The following LIMCH1 variants were observed in gnomAD, a reference collection of about 807,000 sequenced individuals.
LIMCH1 encodes the protein LIM and calponin homology domains 1, also known as LIM and calponin homology domains-containing protein 1.
Under a neutral mutation model 176.5 loss-of-function variants are expected in LIMCH1, and 113 were observed. The observed-to-expected ratio is 0.64, with a 90% confidence interval of 0.55 to 0.75. LIMCH1 has a LOEUF of 0.75. Among genes scored for constraint, LIMCH1 ranks in the 30% least tolerant of loss-of-function variants. The pLI, the probability that LIMCH1 is intolerant of heterozygous loss-of-function variation, is 0.00. For missense variants in LIMCH1, 1,674 were observed against 1,814.9 expected, an observed-to-expected ratio of 0.92 and a Z score of 1.41; for synonymous variants, 619 against 645.9, an observed-to-expected ratio of 0.96 and a Z score of 0.63.
At chr4:41,368,919 G>A (rs929232989) in intron 1 of LIMCH1, among the ~76,000 whole-genome samples, 1 of 152,218 alleles carries the variant, frequency 6.6e-6, no homozygotes, top group African/African-American at 2.4e-5. Flanking sequence ...AATAGAGGCT[G>A]TAGAGGCTGT....
chr4:41,686,936 T>G (rs2153067743), intron 28 of LIMCH1, among the ~76,000 whole-genome samples: 1 of 152,324 alleles, frequency 6.6e-6, no homozygotes, highest in South Asian at 2.1e-4. Context: ...TGTTATTGAT[T>G]ATTGCAGTGA....
intron 14 of LIMCH1, among the ~76,000 whole-genome samples, chr4:41,643,412 A>C (rs966928573): frequency 1.3e-5 from 2 of 152,138 alleles, no homozygotes; most frequent in South Asian, 4.1e-4. Flanking sequence ...AGAGCCCTCT[A>C]TGTCTTGAAT....
intron 1 of LIMCH1, among the ~76,000 whole-genome samples, chr4:41,493,057 T>C (rs2071385934): frequency 6.6e-6 from 1 of 152,160 alleles, no homozygotes; most frequent in African/African-American, 2.4e-5. Flanking sequence ...TATTCTTTTA[T>C]TTAACTTTTT....
intron 30 of LIMCH1, among the ~76,000 whole-genome samples, chr4:41,690,764 C>T (rs1467969583): frequency 6.6e-6 from 1 of 152,128 alleles, no homozygotes; most frequent in African/African-American, 2.4e-5. Context: ...AGACAAAACA[C>T]AGCATAGATA....
chr4:41,481,587 AGGTG>A, intron 1 of LIMCH1, among the ~76,000 whole-genome samples: 1 of 152,184 alleles, frequency 6.6e-6, no homozygotes, highest in Non-Finnish European at 1.5e-5. Flanking sequence ...GAGATCCCTC[AGGTG>A]GCAACTGCAG....
At chr4:41,485,058 A>T (rs553923063) in intron 1 of LIMCH1, among the ~76,000 whole-genome samples, 8 of 152,356 alleles carry the variant, frequency 5.3e-5, no homozygotes, top group Admixed American at 3.3e-4. Context: ...ACTCATATAC[A>T]GTGTTTTATA....
At chr4:41,414,727 C>T (rs890315693) in intron 1 of LIMCH1, among the ~76,000 whole-genome samples, 16 of 152,224 alleles carry the variant, frequency 1.1e-4, no homozygotes, top group African/African-American at 1.9e-4. Flanking sequence ...TTAGATGTCA[C>T]CCATGATGAT....
chr4:41,444,847 C>T (rs1460291165), intron 1 of LIMCH1, among the ~76,000 whole-genome samples: 2 of 152,042 alleles, frequency 1.3e-5, no homozygotes, highest in East Asian at 1.9e-4. Flanking sequence ...AATATTTTGC[C>T]GAAATCTGAC....
intron 8 of LIMCH1, among the ~76,000 whole-genome samples, chr4:41,627,387 A>C (rs2093037168): frequency 6.6e-6 from 1 of 152,048 alleles, no homozygotes; most frequent in Admixed American, 6.6e-5. Flanking sequence ...GAGAACAGCC[A>C]CCTCTCACAG....
At chr4:41,454,700 G>A (rs1465864323) in intron 1 of LIMCH1, among the ~76,000 whole-genome samples, 1 of 152,118 alleles carries the variant, frequency 6.6e-6, no homozygotes, top group Non-Finnish European at 1.5e-5. Context: ...AAGCAGAGAC[G>A]CAAGCTATGC....
At chr4:41,632,154 G>A (rs2093359565) in intron 10 of LIMCH1, among the ~76,000 whole-genome samples, 1 of 152,136 alleles carries the variant, frequency 6.6e-6, no homozygotes, top group Non-Finnish European at 1.5e-5. Flanking sequence ...TTGGTTCTGT[G>A]GGCTGGTCTG....
At chr4:41,397,373 T>C (rs1008780008) in intron 1 of LIMCH1, among the ~76,000 whole-genome samples, 6 of 152,230 alleles carry the variant, frequency 3.9e-5, no homozygotes, top group Admixed American at 3.3e-4. Context: ...ACAGGTTTAT[T>C]TGTTTTGTTT....
At chr4:41,387,489 CA>C (rs1194606552) in intron 1 of LIMCH1, among the ~76,000 whole-genome samples, 7 of 151,790 alleles carry the variant, frequency 4.6e-5, no homozygotes, top group African/African-American at 1.7e-4. Context: ...AGATTATTTC[CA>C]ATTTTTATGA....
intron 18 of LIMCH1, among the ~76,000 whole-genome samples, chr4:41,651,690 T>C (rs1194991627): frequency 1.3e-5 from 2 of 152,194 alleles, no homozygotes; most frequent in Non-Finnish European, 2.9e-5. Flanking sequence ...GCGATGTATA[T>C]ATAAAAGGGC....
intron 2 of LIMCH1, among the ~76,000 whole-genome samples, chr4:41,500,210 C>T (rs1157961162): frequency 6.6e-6 from 1 of 152,340 alleles, no homozygotes; most frequent in East Asian, 1.9e-4. Flanking sequence ...GTGGAAATAA[C>T]TTGATATCCC....
chr4:41,540,844 C>T (rs1172058637), intron 1 of LIMCH1, among the ~76,000 whole-genome samples: 2 of 152,224 alleles, frequency 1.3e-5, no homozygotes, highest in African/African-American at 4.8e-5. Flanking sequence ...ACTGTCAGTC[C>T]TTGCCCTGAT....
chr4:41,528,181 A>G (rs2076883574), intron 3 of LIMCH1, among the ~76,000 whole-genome samples: 1 of 152,144 alleles, frequency 6.6e-6, no homozygotes, highest in Non-Finnish European at 1.5e-5. Flanking sequence ...GGTACATAAT[A>G]TATAATTTCA....
upstream of LIMCH1, among the ~76,000 whole-genome samples, chr4:41,533,353 A>C (rs1171954542): frequency 1.3e-5 from 2 of 152,178 alleles, no homozygotes; most frequent in Non-Finnish European, 2.9e-5. Context: ...GGAGGAAGGG[A>C]TCTCTGGGAG....
At chr4:41,524,795 A>T (rs1039798567) in intron 3 of LIMCH1, among the ~76,000 whole-genome samples, 6 of 152,232 alleles carry the variant, frequency 3.9e-5, no homozygotes, top group African/African-American at 1.2e-4. Context: ...ACGTTTTCTC[A>T]TTTCAGTTCA....
Sources: allele counts gnomAD v4.1 joint callset (sites outside exome capture counted in the v4.1 genomes callset), GRCh38; gene constraint gnomAD v4.1.1; transcripts MANE v1.5; gene names NCBI Gene and HGNC (gene_info 2026-07-23, HGNC 2026-07-21).